The following ZFYVE9 variants were observed in gnomAD, a reference collection of about 807,000 sequenced individuals.
The protein encoded by ZFYVE9 is zinc finger FYVE-type containing 9.
ZFYVE9 carries 43 observed loss-of-function variants against 126.7 expected under a neutral mutation model. That is an observed-to-expected ratio of 0.34 (90% CI 0.27 to 0.44). The LOEUF (loss-of-function observed/expected upper bound fraction) is 0.44. Ranked by LOEUF, ZFYVE9 falls within the 20% of genes least tolerant of loss-of-function variation. The pLI is 1.00. For missense variants in ZFYVE9, 1,476 were observed against 1,697.0 expected (o/e 0.87, Z 2.29); for synonymous variants, 521 against 597.4 (o/e 0.87, Z 1.87).
rs1329262004 is a variant in ZFYVE9, at chr1:52,198,110, G to GTTTTTT, written c.-142-18255_-142-18250dup. ...GGTTGTCATTAAATAATATTGTAGTGTTTTTTTTTGTTTGTTTTTTTTTTT... is the reference window on the plus strand; with the variant it reads ...GGTTGTCATTAAATAATATTGTAGTGTTTTTTTTTTTTTTTGTTTGTTTTTTTTTTT... On this transcript the variant is annotated intron_variant, in intron 1 of 18. Transcript: ENST00000287727. 1.8e-3 allele frequency among the ~76,000 whole-genome samples: 71 copies of GTTTTTT among 40,024 alleles called. 3 individuals carry two copies. Among genetic ancestry groups the GTTTTTT allele is most frequent in the African/African-American group, 3.9e-3 (67 of 17,368 alleles). 26.3% of individuals were successfully genotyped at this position (40,024 alleles called of 152,430 possible).
chr1:52,267,158 C>T (rs541286131), intron 6 of ZFYVE9, among the ~76,000 whole-genome samples: 2 of 152,270 alleles, frequency 1.3e-5, no homozygotes, highest in East Asian at 3.9e-4. Flanking sequence ...CTACCTCATG[C>T]CTGTCTTAAT....
At chr1:52,234,440 G>A (rs893569798) in intron 3 of ZFYVE9, among the ~76,000 whole-genome samples, 1 of 152,160 alleles carries the variant, frequency 6.6e-6, no homozygotes, top group African/African-American at 2.4e-5. Flanking sequence ...CAGCCCAGAT[G>A]ACAGAGTGAG....
chr1:52,256,094 C>G (rs762213857), intron 4 of ZFYVE9, among the ~76,000 whole-genome samples: 2 of 150,280 alleles, frequency 1.3e-5, no homozygotes, highest in Non-Finnish European at 3.0e-5. Context: ...CAGATGGAGT[C>G]TCGCTCTGTC....
intron 13 of ZFYVE9, among the ~76,000 whole-genome samples, chr1:52,307,952 C>G (rs1326909877): frequency 6.6e-6 from 1 of 151,950 alleles, no homozygotes. Context: ...CGGGGTTTCA[C>G]CGTGTTAGCC....
At chr1:52,319,903 C>T (rs549359140) in intron 13 of ZFYVE9, among the ~76,000 whole-genome samples, 24 of 149,908 alleles carry the variant, frequency 1.6e-4, no homozygotes, top group African/African-American at 5.4e-4. Flanking sequence ...ATCTCAGCTA[C>T]TTGGGAGGCT....
intron 1 of ZFYVE9, among the ~76,000 whole-genome samples, chr1:52,202,399 G>A (rs1220495278): frequency 2.0e-5 from 3 of 151,510 alleles, no homozygotes; most frequent in Non-Finnish European, 1.5e-5. Context: ...CCTGCATTAG[G>A]CTCCCAAGTA....
intron 13 of ZFYVE9, among the ~76,000 whole-genome samples, chr1:52,310,104 T>C (rs1646124265): frequency 6.6e-6 from 1 of 151,948 alleles, no homozygotes; most frequent in African/African-American, 2.4e-5. Context: ...CCTGAGTAGC[T>C]GGGACTACAG....
chr1:52,229,735 A>G (rs1645200401), intron 2 of ZFYVE9, among the ~76,000 whole-genome samples: 1 of 152,220 alleles, frequency 6.6e-6, no homozygotes, highest in African/African-American at 2.4e-5. Flanking sequence ...AGATTGACAA[A>G]TAATCACACT....
intron 1 of ZFYVE9, among the ~76,000 whole-genome samples, chr1:52,204,783 C>T (rs1644957860): frequency 1.3e-5 from 2 of 152,124 alleles, no homozygotes; most frequent in African/African-American, 4.8e-5. Flanking sequence ...AAAATGGTTC[C>T]CTTTCCCCTT....
intron 4 of ZFYVE9, among the ~76,000 whole-genome samples, chr1:52,249,476 A>G (rs1217031148): frequency 2.6e-5 from 4 of 152,096 alleles, no homozygotes; most frequent in Non-Finnish European, 5.9e-5. Flanking sequence ...TCTTTTGCCC[A>G]TTTTTAAATT....
Position 52,268,464 on chromosome 1 carries a change from G to A in ZFYVE9, c.2457G>A (p.Val819=). The change falls in exon 7 of 19, where the codon GTG becomes GTA. Residue 819 remains valine, a splice_region_variant and synonymous_variant. Transcript: ENST00000287727. Reference sequence around the variant, plus strand: ...GTTTTATTTTTCTGGCCCCTCAAGTGGCTCAGCCCAGAGAGCAGAGGCGAG... The same window carrying A: ...GTTTTATTTTTCTGGCCCCTCAAGTAGCTCAGCCCAGAGAGCAGAGGCGAG... ...VGVLKHPGAE[V]AQPREQRRVW... The A allele has an allele frequency of 3.7e-6, 6 of 1,609,702 alleles. No individual in the cohort carries two copies. Among genetic ancestry groups the A allele is most frequent in the Non-Finnish European group, 5.1e-6 (6 of 1,176,874 alleles).
intron 11 of ZFYVE9, among the ~76,000 whole-genome samples, chr1:52,294,931 G>A (rs894287964): frequency 6.6e-5 from 10 of 152,228 alleles, no homozygotes; most frequent in African/African-American, 1.9e-4. Context: ...GGCTGAGTGC[G>A]GTGGCTCATG....
chr1:52,255,898 TTTTTCTTTTCTTTTCTTTTC>T (rs71577260), intron 4 of ZFYVE9, among the ~76,000 whole-genome samples: 9,443 of 101,916 alleles, frequency 0.093, 604 homozygotes, highest in Middle Eastern at 0.22. Context: ...CTATTTTGCT[TTTTTCTTTTCTTTTCTTTTC>T]TTTTCTTTTC....
At position 52,238,496 on chromosome 1, in the gene ZFYVE9, A is replaced by G; in HGVS notation, c.1079A>G (p.Asp360Gly). 1.9e-6 allele frequency: 3 copies of G among 1,614,096 alleles called. No individual in the cohort carries two copies. The highest frequency in any genetic ancestry group is 2.5e-6 in the Non-Finnish European group (3 of 1,179,954). Residue 360 changes from aspartate to glycine, a missense_variant, in exon 4 of 19, where the codon GAT (aspartate) becomes GGT (glycine). By Grantham distance (94) the Asp-to-Gly change is moderately conservative. Transcript: ENST00000287727. ...AATAATGACTGTGAACGGTGTTCAG[A>G]TTGCCTTGTGCCTAATGAAGTTAGG... ...GRNNDCERCS[D>G]CLVPNEVRAD...
intron 1 of ZFYVE9, among the ~76,000 whole-genome samples, chr1:52,152,687 A>G (rs1354655164): frequency 6.6e-6 from 1 of 152,200 alleles, no homozygotes; most frequent in African/African-American, 2.4e-5. Context: ...TTCAAATTTA[A>G]TTCTCCTTTC....
intron 13 of ZFYVE9, among the ~76,000 whole-genome samples, chr1:52,331,048 TAGTAGAG>T (rs1306349086): frequency 1.3e-5 from 2 of 151,914 alleles, no homozygotes; most frequent in Admixed American, 6.6e-5. Flanking sequence ...TTTGTACTTT[TAGTAGAG>T]ATGGGGTTTT....
At chr1:52,222,306 T>A (rs1175855878) in intron 2 of ZFYVE9, among the ~76,000 whole-genome samples, 1 of 152,210 alleles carries the variant, frequency 6.6e-6, no homozygotes, top group African/African-American at 2.4e-5. Context: ...GGCAAGACTG[T>A]CCATCAGTAC....
rs750492328 is a variant in ZFYVE9, at chr1:52,233,298, T to A, written c.70+22T>A. On this transcript the variant is annotated intron_variant, in intron 3 of 18. Coordinates refer to ENST00000287727, the MANE Select transcript of ZFYVE9 (RefSeq NM_004799.4). ...GAAGGTGAGAATTTATATTGGTGAA[T>A]CTGTTTGCCTATGTGGTATAGAGAA... The A allele has an allele frequency of 3.2e-5, 49 of 1,549,948 alleles. No homozygotes were observed. In the East Asian group the frequency reaches 1.1e-3, roughly 34 times the overall value.
At chr1:52,144,393 T>TTA (rs1377849306) in intron 1 of ZFYVE9, among the ~76,000 whole-genome samples, 1 of 152,072 alleles carries the variant, frequency 6.6e-6, no homozygotes, top group Non-Finnish European at 1.5e-5. Context: ...AGAGTGCTTG[T>TTA]TATATATATA....
Sources: gnomAD v4.1 joint callset for allele counts (sites outside exome capture counted in the v4.1 genomes callset) on GRCh38, gnomAD v4.1.1 for gene constraint, MANE v1.5 for transcripts, NCBI Gene and HGNC (gene_info 2026-07-23, HGNC 2026-07-21) for gene names.